The following UBTD1 variants were observed in gnomAD, a reference collection of about 807,000 sequenced individuals.
The protein encoded by UBTD1 is ubiquitin domain containing 1.
Under a neutral mutation model 21.7 loss-of-function variants are expected in UBTD1, and 19 were observed. The ratio of observed to expected loss-of-function variants is 0.87; its 90% CI spans 0.61 to 1.28. The LOEUF (loss-of-function observed/expected upper bound fraction) is 1.28. Ranked by LOEUF, UBTD1 falls within the 50% of genes most tolerant of loss-of-function variation. UBTD1 has a pLI of 0.00. For missense variants in UBTD1, 282 were observed against 315.1 expected, an observed-to-expected ratio of 0.89 and a Z score of 0.80; for synonymous variants, 116 against 135.1, an observed-to-expected ratio of 0.86 and a Z score of 0.98.
At chr10:97,518,487 T>G (rs947948222) in intron 1 of UBTD1, among the ~76,000 whole-genome samples, 1 of 152,230 alleles carries the variant, frequency 6.6e-6, no homozygotes, top group Admixed American at 6.5e-5. Flanking sequence ...CTTCTATGTG[T>G]GTCTTCCTTG....
intron 1 of UBTD1, among the ~76,000 whole-genome samples, chr10:97,525,065 A>G (rs536057528): frequency 1.3e-5 from 2 of 151,600 alleles, no homozygotes; most frequent in South Asian, 4.1e-4. Flanking sequence ...GTGTGCTGAG[A>G]GAAGAATATG....
At chr10:97,561,577 G>A (rs779644608) in intron 1 of UBTD1, among the ~76,000 whole-genome samples, 5 of 152,172 alleles carry the variant, frequency 3.3e-5, no homozygotes, top group Non-Finnish European at 5.9e-5. Context: ...ACAGGGCAGA[G>A]AGTTTCACGA....
chr10:97,545,387 C>CGTGTGGGTGTGTGT (rs141608116), intron 1 of UBTD1, among the ~76,000 whole-genome samples: 2 of 120,716 alleles, frequency 1.7e-5, no homozygotes, highest in South Asian at 2.8e-4. Context: ...GTATGGGGCT[C>CGTGTGGGTGTGTGT]GTGTGTGTGT....
At chr10:97,513,550 A>G (rs1043011272) in intron 1 of UBTD1, among the ~76,000 whole-genome samples, 1 of 152,150 alleles carries the variant, frequency 6.6e-6, no homozygotes, top group African/African-American at 2.4e-5. Flanking sequence ...TAGTGATTTG[A>G]GGAAGTGGTA....
rs777847745 is a variant in UBTD1 at position 97,567,958 on chromosome 10, G to A, written c.115G>A (p.Asp39Asn). Residue 39 changes from aspartate to asparagine, a missense_variant, in exon 2 of 3, where the codon GAC (aspartate) becomes AAC (asparagine). Transcript: ENST00000370664. ...GAAAGAGCGGCTTAAGTGGAAGAGC[G>A]ACTACCCCATGACTGACGGGCAGCT... is the stretch of plus-strand genomic sequence containing the variant. ...LKKERLKWKS[D>N]YPMTDGQLRS... 1 of 1,614,180 alleles carries A rather than the reference G, an allele frequency of 6.2e-7. No homozygotes were observed. Among genetic ancestry groups the A allele is most frequent in the South Asian group, 1.1e-5 (1 of 91,082 alleles).
At chr10:97,551,410 T>G (rs1301278459) in intron 1 of UBTD1, among the ~76,000 whole-genome samples, 1 of 152,038 alleles carries the variant, frequency 6.6e-6, no homozygotes, top group Non-Finnish European at 1.5e-5. Flanking sequence ...TGTCTTTTGG[T>G]GTCCTCTGCC....
intron 1 of UBTD1, among the ~76,000 whole-genome samples, chr10:97,566,920 G>A (rs1209618625): frequency 6.6e-6 from 1 of 152,140 alleles, no homozygotes; most frequent in Non-Finnish European, 1.5e-5. Context: ...TGTCTTGGAG[G>A]TCACTTGGAG....
intron 1 of UBTD1, among the ~76,000 whole-genome samples, chr10:97,541,148 G>A (rs1183253691): frequency 6.6e-6 from 1 of 152,142 alleles, no homozygotes; most frequent in Non-Finnish European, 1.5e-5. Flanking sequence ...TTGTCACACA[G>A]GGTCGTTACA....
chr10:97,522,238 G>T (rs912796813), intron 1 of UBTD1, among the ~76,000 whole-genome samples: 2 of 152,242 alleles, frequency 1.3e-5, no homozygotes, highest in African/African-American at 2.4e-5. Context: ...CCCTTGCCAG[G>T]CATTCAGCCA....
At chr10:97,545,965 A>G (rs905571970) in intron 1 of UBTD1, among the ~76,000 whole-genome samples, 1 of 152,112 alleles carries the variant, frequency 6.6e-6, no homozygotes, top group Non-Finnish European at 1.5e-5. Flanking sequence ...TTGTATTTTT[A>G]GTAGAGATGG....
intron 1 of UBTD1, among the ~76,000 whole-genome samples, chr10:97,566,995 T>G (rs780166741): frequency 1.6e-4 from 24 of 152,294 alleles, no homozygotes; most frequent in Middle Eastern, 3.4e-3. Flanking sequence ...CAGGAATTTT[T>G]GGGGGAGTTT....
At chr10:97,546,462 C>T (rs2040611161) in intron 1 of UBTD1, among the ~76,000 whole-genome samples, 1 of 152,012 alleles carries the variant, frequency 6.6e-6, no homozygotes, top group Non-Finnish European at 1.5e-5. Context: ...TCGTGGTGCA[C>T]ACCTGTAGTC....
intron 1 of UBTD1, among the ~76,000 whole-genome samples, chr10:97,558,031 C>T (rs961278214): frequency 2.6e-5 from 4 of 152,130 alleles, no homozygotes; most frequent in South Asian, 4.2e-4. Flanking sequence ...CCTCATGCTT[C>T]GGCCGTGCGT....
In UBTD1 at chr10:97,570,501, A is replaced by G. The variant is rs1469065087; in HGVS notation, c.662A>G (p.Gln221Arg). Residue 221 changes from glutamine to arginine, a missense_variant, in exon 3 of 3, where the codon CAG (glutamine) becomes CGG (arginine). Gln to Arg is a conservative substitution (Grantham distance 43). Coordinates refer to ENST00000370664, the MANE Select transcript of UBTD1 (RefSeq NM_024954.5). The surrounding 1 kb of genome is among the most constrained non-coding windows in gnomAD (Gnocchi z 6.6). ...TTTGTCATCCAGGTCATCATCAACC[A>G]GCCCCCACCACCCCAGGACTGATGG... ...KDFVIQVIIN[Q>R]PPPPQD 1 of 1,608,564 alleles carries G rather than the reference A, an allele frequency of 6.2e-7. No individual in the cohort carries two copies. Among genetic ancestry groups the G allele is most frequent in the South Asian group, 1.1e-5 (1 of 90,832 alleles).
chr10:97,557,238 A>G (rs2040668692), intron 1 of UBTD1, among the ~76,000 whole-genome samples: 1 of 152,252 alleles, frequency 6.6e-6, no homozygotes, highest in African/African-American at 2.4e-5. Flanking sequence ...CATTTAGTTC[A>G]TCATAGAAAG....
In UBTD1 at chr10:97,499,190, G is replaced by C; in HGVS notation, c.-14G>C. 6.5e-7 allele frequency: 1 copy of C among 1,539,136 alleles called. No homozygotes were observed. On this transcript the variant is annotated 5_prime_UTR_variant, in exon 1 of 3. Transcript: ENST00000370664. ...CGCCGCCTCCGGTGCATGGGGACTGGCTGAGGAGCCAGCATGGGCAACTGC... is the reference window on the plus strand; with the variant it reads ...CGCCGCCTCCGGTGCATGGGGACTGCCTGAGGAGCCAGCATGGGCAACTGC...
At chr10:97,557,851 G>C (rs1021740068) in intron 1 of UBTD1, among the ~76,000 whole-genome samples, 1 of 152,162 alleles carries the variant, frequency 6.6e-6, no homozygotes, top group African/African-American at 2.4e-5. Flanking sequence ...TTCTTTTAGA[G>C]TCCTGGTACA....
At position 97,570,367 on chromosome 10, in the gene UBTD1, G is replaced by T. The variant is rs1430976312; in HGVS notation, c.528G>T (p.Arg176Ser). The T allele has an allele frequency of 1.2e-6, 2 of 1,613,228 alleles. No homozygotes were observed. The highest frequency in any genetic ancestry group is 1.7e-6 in the Non-Finnish European group (2 of 1,180,000). ...SLPDTVGQLK[R>S]QLHAQEGIEP... ...CCGACACAGTGGGGCAGCTCAAGAG[G>T]CAGCTGCACGCCCAGGAGGGCATCG... Residue 176 changes from arginine to serine, a missense_variant, in exon 3 of 3, where the codon AGG (arginine) becomes AGT (serine). Physicochemically the swap from Arg to Ser is moderately radical, Grantham distance 110. Transcript: ENST00000370664. The surrounding 1 kb of genome is among the most constrained non-coding windows in gnomAD (Gnocchi z 6.6).
intron 2 of UBTD1, among the ~76,000 whole-genome samples, chr10:97,568,438 G>A (rs1051550042): frequency 3.3e-5 from 5 of 151,370 alleles, no homozygotes; most frequent in Non-Finnish European, 4.4e-5. Flanking sequence ...TTTTTTTTGA[G>A]ATGGAGTCTT....
Sources: gnomAD v4.1 joint callset for allele counts (sites outside exome capture counted in the v4.1 genomes callset) on GRCh38, gnomAD v4.1.1 for gene constraint, Gnocchi (gnomAD v3.1) non-coding constraint, MANE v1.5 for transcripts, NCBI Gene and HGNC (gene_info 2026-07-23, HGNC 2026-07-21) for gene names.